The following KANK1 variants were observed in gnomAD, a reference collection of about 807,000 sequenced individuals.
KANK1 encodes KN motif and ankyrin repeat domain-containing protein 1.
KANK1 carries 109 observed loss-of-function variants against 106.2 expected under a neutral mutation model. The observed-to-expected ratio is 1.03, with a 90% CI of 0.88 to 1.20. KANK1 has a LOEUF of 1.20. Ranked by LOEUF, KANK1 falls within the 50% of genes most tolerant of loss-of-function variation. The pLI is 0.00. For synonymous variants in KANK1, 873 were observed against 652.2 expected (o/e 1.34, Z -5.16); for missense variants, 2,399 against 1,710.7 (o/e 1.40, Z -7.10).
intron 1 of KANK1, among the ~76,000 whole-genome samples, chr9:532,699 TG>T (rs2060121206): frequency 6.6e-6 from 1 of 152,170 alleles, no homozygotes; most frequent in African/African-American, 2.4e-5. Context: ...AGCCTTACCC[TG>T]GGAATAAAAT....
intron 1 of KANK1, among the ~76,000 whole-genome samples, chr9:578,809 C>G (rs1821275504): frequency 6.6e-6 from 1 of 152,150 alleles, no homozygotes; most frequent in African/African-American, 2.4e-5. Context: ...TCTACATAAT[C>G]ATTTTCTCCC....
At chr9:590,723 C>A (rs1193029455) in intron 1 of KANK1, among the ~76,000 whole-genome samples, 1 of 151,366 alleles carries the variant, frequency 6.6e-6, no homozygotes, top group Non-Finnish European at 1.5e-5. Flanking sequence ...AAATTATAAA[C>A]CTCTCTGCTT....
intron 1 of KANK1, among the ~76,000 whole-genome samples, chr9:650,044 A>G (rs964531306): frequency 3.9e-5 from 6 of 152,182 alleles, no homozygotes; most frequent in Non-Finnish European, 7.3e-5. Context: ...GCAATCCCCA[A>G]TATAATAGAA....
At chr9:738,576 T>C (rs1349560124) in intron 8 of KANK1, 72 bp downstream of exon 8, 1 of 1,187,562 alleles carries the variant, frequency 8.4e-7, no homozygotes, top group Admixed American at 1.7e-5. Context: ...GAGAACCTGG[T>C]TGAGCCACTC....
intron 1 of KANK1, among the ~76,000 whole-genome samples, chr9:671,415 G>A (rs535703439): frequency 8.6e-5 from 13 of 151,876 alleles, no homozygotes; most frequent in Non-Finnish European, 8.8e-5. Flanking sequence ...GGAGGCCGAG[G>A]CATGCAGATC....
At position 711,557 on chromosome 9, in the gene KANK1, G is replaced by A. The variant is rs752339951; in HGVS notation, c.791G>A (p.Arg264His). Residue 264 changes from arginine to histidine, a missense_variant, in exon 3 of 12, where the codon CGC (arginine) becomes CAC (histidine). Physicochemically the swap from Arg to His is conservative, Grantham distance 29. Coordinates refer to ENST00000382297, the MANE Select transcript of KANK1 (RefSeq NM_015158.5). ...AGCCCCATGCACCTGCAGCACATCC[G>A]CGAGCAGATGGCCATTGCTCTGAAA... ...NVSPMHLQHI[R>H]EQMAIALKRL... 10 of 1,613,888 alleles carry A rather than the reference G, an allele frequency of 6.2e-6. No individual in the cohort carries two copies. The highest frequency in any genetic ancestry group is 3.3e-5 in the South Asian group (3 of 91,026).
intron 1 of KANK1, among the ~76,000 whole-genome samples, chr9:609,879 C>T (rs749432003): frequency 2.0e-5 from 3 of 152,158 alleles, no homozygotes; most frequent in East Asian, 3.9e-4. Context: ...TTTCAAATTA[C>T]GTAGAATTGT....
intron 1 of KANK1, among the ~76,000 whole-genome samples, chr9:574,305 T>C (rs574372583): frequency 1.3e-5 from 2 of 152,320 alleles, no homozygotes; most frequent in African/African-American, 4.8e-5. Context: ...TGATAATGAA[T>C]GAGGCTCGAG....
chr9:572,635 C>A (rs746223247), intron 1 of KANK1, among the ~76,000 whole-genome samples: 3 of 152,100 alleles, frequency 2.0e-5, no homozygotes, highest in Non-Finnish European at 2.9e-5. Flanking sequence ...AGGCAATCCT[C>A]CTGCCATGGC....
chr9:614,321 G>A (rs1448633896), intron 1 of KANK1, among the ~76,000 whole-genome samples: 1 of 152,138 alleles, frequency 6.6e-6, no homozygotes, highest in Non-Finnish European at 1.5e-5. Flanking sequence ...AAATGAGATT[G>A]TTTTCTCTAT....
chr9:680,471 C>A (rs1006309461), intron 2 of KANK1, among the ~76,000 whole-genome samples: 16 of 152,188 alleles, frequency 1.1e-4, no homozygotes, highest in African/African-American at 3.9e-4. Flanking sequence ...TATTATGCCA[C>A]ACTTCAGACA....
intron 1 of KANK1, among the ~76,000 whole-genome samples, chr9:583,729 ACTTC>A (rs1442815029): frequency 6.6e-6 from 1 of 150,910 alleles, no homozygotes; most frequent in East Asian, 1.9e-4. Flanking sequence ...ATTAACATAT[ACTTC>A]CTTTATTAAT....
At chr9:680,416 T>G (rs1295674679) in intron 2 of KANK1, among the ~76,000 whole-genome samples, 2 of 152,172 alleles carry the variant, frequency 1.3e-5, no homozygotes, top group African/African-American at 4.8e-5. Flanking sequence ...TAAAAGAAAC[T>G]GCTTTTAAAA....
At chr9:537,775 G>T (rs1436951416) in intron 1 of KANK1, among the ~76,000 whole-genome samples, 1 of 152,212 alleles carries the variant, frequency 6.6e-6, no homozygotes, top group African/African-American at 2.4e-5. Flanking sequence ...GGCATCTAGG[G>T]AGTAGAGGCC....
At chr9:645,027 G>C (rs1245538100) in intron 1 of KANK1, among the ~76,000 whole-genome samples, 1 of 149,126 alleles carries the variant, frequency 6.7e-6, no homozygotes, top group Non-Finnish European at 1.5e-5. Context: ...TGGAGGCTCA[G>C]GCAGGAGAAT....
chr9:741,009 G>A lies in KANK1; in HGVS notation c.3696+75G>A, dbSNP rs915635602. ...CAGGACTGCGGTGGCCATTCTGGCA[G>A]AGCAGGCATAGATGCCACGCTTCCA... On this transcript the variant is annotated intron_variant, in intron 9 of 11. Transcript: ENST00000382297. 3.9e-6 allele frequency: 6 copies of A among 1,538,512 alleles called. No individual in the cohort carries two copies. The East Asian group carries it at 1.1e-4, about 29-fold the overall frequency.
rs1299852259 is a variant in KANK1 at position 720,950 on chromosome 9, GA to G, written c.2698+7487del. On this transcript the variant is annotated intron_variant, in intron 3 of 11. Transcript: ENST00000382297. Reference sequence around the variant, plus strand: ...AAGTTGATGGGTTGAAACTAGAGGGGAGTCTAAATTCTTAATTTCAGTAGTC... The same window carrying G: ...AAGTTGATGGGTTGAAACTAGAGGGGGTCTAAATTCTTAATTTCAGTAGTC... Among the ~76,000 whole-genome samples the G allele has an allele frequency of 6.8e-4, 103 of 152,322 alleles. 1 individual carries two copies. The highest frequency in any genetic ancestry group is 2.4e-3 in the African/African-American group (101 of 41,568).
intron 3 of KANK1, among the ~76,000 whole-genome samples, chr9:722,374 C>T (rs72693433): frequency 0.031 from 4,645 of 152,208 alleles, 225 homozygotes; most frequent in African/African-American, 0.11. Flanking sequence ...TCTCTCATAT[C>T]TGGACCCATC....
At chr9:706,708 G>A in intron 2 of KANK1, 1 of 825,040 alleles carries the variant, frequency 1.2e-6, no homozygotes, top group Non-Finnish European at 1.5e-6. Context: ...ATAACTACTT[G>A]CCACGTGTCA....
Sources: allele counts gnomAD v4.1 joint callset (sites outside exome capture counted in the v4.1 genomes callset), GRCh38; gene constraint gnomAD v4.1.1; transcripts MANE v1.5; gene names NCBI Gene and HGNC (gene_info 2026-07-23, HGNC 2026-07-21).